Variants in IQSEC2 observed in about 807,000 individuals in gnomAD.
IQSEC2 encodes IQ motif and Sec7 domain ArfGEF 2.
In IQSEC2, 6 loss-of-function variants were observed where a neutral mutation model predicts 74.6. The ratio of observed to expected loss-of-function variants is 0.08; its 90% confidence interval spans 0.04 to 0.16. The LOEUF (loss-of-function observed/expected upper bound fraction) is 0.16. IQSEC2 is among the 10% of genes least tolerant of loss of function. IQSEC2 has a pLI of 1.00. For synonymous variants in IQSEC2, 494 were observed against 544.5 expected (o/e 0.91, Z 1.29); for missense variants, 734 against 1,306.2 (o/e 0.56, Z 6.75).
chrX:53,287,798 G>A (rs2075047997), intron 2 of IQSEC2, among the ~76,000 whole-genome samples: 1 of 112,520 alleles, frequency 8.9e-6, no homozygotes. Context: ...ACTTCCTGGG[G>A]CTGGGCCAGG....
chrX:53,312,591 T>C (rs184265956), intron 1 of IQSEC2, among the ~76,000 whole-genome samples: 37 of 112,345 alleles, frequency 3.3e-4, no homozygotes, highest in African/African-American at 1.2e-3. Context: ...TTATTAATAA[T>C]AATGGCTATC....
At chrX:53,226,811 A>G (rs1165713204), downstream of IQSEC2, 1 of 112,263 alleles carries the variant, frequency 8.9e-6, no homozygotes, top group Non-Finnish European at 1.9e-5. Flanking sequence ...GTAACCTTGA[A>G]CAAGTCCCAA....
At position 53,265,192 on chromosome X, in the gene IQSEC2, G is replaced by A. The variant is rs190033684; in HGVS notation, c.738-9131C>T. Among the ~76,000 whole-genome samples the A allele has an allele frequency of 6.3e-5, 7 of 111,226 alleles. No individual in the cohort carries two copies. The East Asian group carries it at 2.0e-3, about 32-fold the overall frequency. On this transcript the variant is annotated intron_variant, in intron 2 of 14. Transcript: ENST00000642864. Reference sequence around the variant, plus strand: ...GGGAGACAGGCAGGGAGGGAGGGGAGAAATAAATGAGACTTTGAATGGGTG... The same window carrying A: ...GGGAGACAGGCAGGGAGGGAGGGGAAAAATAAATGAGACTTTGAATGGGTG...
chrX:53,261,198 G>GA, intron 2 of IQSEC2, among the ~76,000 whole-genome samples: 1 of 111,312 alleles, frequency 9.0e-6, no homozygotes, highest in Non-Finnish European at 1.9e-5. Flanking sequence ...TGATCACATG[G>GA]AAAATCTCTC....
chrX:53,287,469 T>TA (rs782176838), intron 2 of IQSEC2, among the ~76,000 whole-genome samples: 10 of 112,744 alleles, frequency 8.9e-5, no homozygotes, highest in African/African-American at 3.2e-4. Flanking sequence ...AGCAACCAGA[T>TA]ATGGTTCTCT....
At chrX:53,246,113 C>G (rs1258521072) in intron 8 of IQSEC2, among the ~76,000 whole-genome samples, 1 of 111,522 alleles carries the variant, frequency 9.0e-6, no homozygotes, top group African/African-American at 3.3e-5. Context: ...CCACCTGCCT[C>G]AGCCTCACAA....
chrX:53,318,721 G>A (rs2075401486), intron 1 of IQSEC2, among the ~76,000 whole-genome samples: 2 of 112,786 alleles, frequency 1.8e-5, no homozygotes, highest in African/African-American at 3.2e-5. Flanking sequence ...CCACTGTTTC[G>A]GGTTCTGCTC....
At chrX:53,281,293 G>C (rs1174242222) in intron 2 of IQSEC2, among the ~76,000 whole-genome samples, 1 of 112,549 alleles carries the variant, frequency 8.9e-6, no homozygotes, top group Admixed American at 9.3e-5. Context: ...CAGGGTTCCA[G>C]GGTCCTTCCA....
intron 2 of IQSEC2, among the ~76,000 whole-genome samples, chrX:53,263,638 C>T (rs1364076237): frequency 9.0e-6 from 1 of 111,725 alleles, no homozygotes; most frequent in South Asian, 3.8e-4. Context: ...CTTCACCCCC[C>T]GACTTGCTTG....
At chrX:53,317,948 A>G (rs2075394431) in intron 1 of IQSEC2, among the ~76,000 whole-genome samples, 1 of 112,208 alleles carries the variant, frequency 8.9e-6, no homozygotes, top group Admixed American at 9.4e-5. Flanking sequence ...CTCCCCACTC[A>G]TCCCAGACTC....
intron 10 of IQSEC2, among the ~76,000 whole-genome samples, chrX:53,239,831 C>G (rs2074191662): frequency 8.9e-6 from 1 of 112,115 alleles, no homozygotes; most frequent in Non-Finnish European, 1.9e-5. Context: ...CTTGGGCACT[C>G]TGGACTCAAC....
At chrX:53,315,891 T>A (rs2075365481) in intron 1 of IQSEC2, among the ~76,000 whole-genome samples, 1 of 111,342 alleles carries the variant, frequency 9.0e-6, no homozygotes, top group Non-Finnish European at 1.9e-5. Context: ...GCAAGTCTGG[T>A]CTGACGTCTT....
intron 2 of IQSEC2, among the ~76,000 whole-genome samples, chrX:53,258,348 C>T: frequency 8.9e-6 from 1 of 112,019 alleles, no homozygotes; most frequent in Middle Eastern, 4.6e-3. Flanking sequence ...CCCAGAATCC[C>T]AGCTCAGGAA....
intron 2 of IQSEC2, among the ~76,000 whole-genome samples, chrX:53,260,685 C>T (rs782804032): frequency 1.8e-5 from 2 of 111,415 alleles, no homozygotes; most frequent in South Asian, 7.6e-4. Context: ...CTGTCTTACA[C>T]CCGCTCCTCT....
chrX:53,281,585 C>T, intron 2 of IQSEC2: 1 of 1,112,463 alleles, frequency 9.0e-7, no homozygotes, highest in Non-Finnish European at 1.2e-6. Flanking sequence ...GTGTCACCAC[C>T]CCCTCCTCCC....
At chrX:53,273,788 T>C (rs1556869024) in intron 2 of IQSEC2, among the ~76,000 whole-genome samples, 1 of 112,417 alleles carries the variant, frequency 8.9e-6, no homozygotes, top group Non-Finnish European at 1.9e-5. Context: ...TCTTTGGATC[T>C]GCTACAGAGT....
intron 1 of IQSEC2, among the ~76,000 whole-genome samples, chrX:53,313,353 C>T (rs1204110562): frequency 9.0e-6 from 1 of 111,725 alleles, no homozygotes; most frequent in African/African-American, 3.3e-5. Flanking sequence ...AGTGATTTGC[C>T]TAGAGTTACA....
At chrX:53,241,024 C>T (rs782010179) in intron 10 of IQSEC2, among the ~76,000 whole-genome samples, 1 of 112,144 alleles carries the variant, frequency 8.9e-6, no homozygotes, top group South Asian at 3.7e-4. Flanking sequence ...GATCCACCCA[C>T]CTCGGCCTCC....
At chrX:53,254,068 C>T (rs782097019) in intron 4 of IQSEC2, among the ~76,000 whole-genome samples, 3 of 112,029 alleles carry the variant, frequency 2.7e-5, no homozygotes, top group Non-Finnish European at 5.6e-5. Context: ...CAGTGGCTCA[C>T]GCCTGTAATC....
Sources: allele counts gnomAD v4.1 joint callset (sites outside exome capture counted in the v4.1 genomes callset), GRCh38; gene constraint gnomAD v4.1.1; transcripts MANE v1.5; gene names NCBI Gene and HGNC (gene_info 2026-07-23, HGNC 2026-07-21).